The following KIDINS220 variants were observed in gnomAD, a reference collection of about 807,000 sequenced individuals.
KIDINS220 encodes kinase D interacting substrate 220, also known as kinase D-interacting substrate of 220 kDa.
Under a neutral mutation model 157.6 loss-of-function variants are expected in KIDINS220, and 63 were observed. The observed-to-expected ratio is 0.40, with a 90% CI of 0.33 to 0.49. The LOEUF (loss-of-function observed/expected upper bound fraction) is 0.49, where lower values mean the gene tolerates loss of function less well. Ranked by LOEUF, KIDINS220 falls within the 20% of genes least tolerant of loss-of-function variation. The pLI is 0.66. For synonymous variants in KIDINS220, 732 were observed against 783.6 expected, an observed-to-expected ratio of 0.93 and a Z score of 1.10; for missense variants, 1,772 against 2,171.2, an observed-to-expected ratio of 0.82 and a Z score of 3.65.
intron 22 of KIDINS220, among the ~76,000 whole-genome samples, chr2:8,761,686 G>C (rs1668762968): frequency 6.6e-6 from 1 of 151,970 alleles, no homozygotes; most frequent in Non-Finnish European, 1.5e-5. Context: ...TCTATGGAAG[G>C]GGAAAGCAAA....
chr2:8,823,864 T>C (rs1056001501), intron 2 of KIDINS220, among the ~76,000 whole-genome samples: 16 of 152,142 alleles, frequency 1.1e-4, no homozygotes, highest in Admixed American at 3.9e-4. Flanking sequence ...TTTTGACTAT[T>C]CATAATCATT....
chr2:8,795,235 G>A (rs370885090), intron 11 of KIDINS220, among the ~76,000 whole-genome samples: 1 of 152,090 alleles, frequency 6.6e-6, no homozygotes, highest in Non-Finnish European at 1.5e-5. Flanking sequence ...AATGTCTACT[G>A]GCCACAGGCT....
intron 22 of KIDINS220, among the ~76,000 whole-genome samples, chr2:8,755,296 A>T (rs1307422159): frequency 6.6e-6 from 1 of 152,168 alleles, no homozygotes; most frequent in Non-Finnish European, 1.5e-5. Context: ...ATGTTCCTTC[A>T]TTACAAGCCC....
At position 8,733,495 on chromosome 2, in the gene KIDINS220, G is replaced by A; in HGVS notation, c.4002C>T (p.Asn1334=). 6.2e-7 allele frequency: 1 copy of A among 1,614,128 alleles called. No homozygotes were observed. Among genetic ancestry groups the A allele is most frequent in the Non-Finnish European group, 8.5e-7 (1 of 1,180,028 alleles). The change falls in exon 29 of 30, where the codon AAC becomes AAT. Residue 1334 remains asparagine (N), a synonymous_variant. Coordinates refer to ENST00000256707, the MANE Select transcript of KIDINS220 (RefSeq NM_020738.4). ...YTLNFSFEEL[N]TLGLDEGAPR... ...GGGCACCTTCATCCAGGCCAAGCGT[G>A]TTCAGCTCTTCGAAGCTGAAGTTGA...
intron 17 of KIDINS220, among the ~76,000 whole-genome samples, chr2:8,781,712 G>T (rs1412248279): frequency 1.3e-5 from 2 of 152,080 alleles, no homozygotes; most frequent in Admixed American, 1.3e-4. Context: ...AAAATATTTT[G>T]AACTAAATAA....
chr2:8,810,451 T>C (rs1271996472), intron 6 of KIDINS220, among the ~76,000 whole-genome samples: 3 of 152,182 alleles, frequency 2.0e-5, no homozygotes, highest in Non-Finnish European at 4.4e-5. Flanking sequence ...CATTTTATTA[T>C]AGGCAAGAAG....
intron 7 of KIDINS220, among the ~76,000 whole-genome samples, chr2:8,804,976 G>C (rs1675235022): frequency 6.6e-6 from 1 of 152,196 alleles, no homozygotes. Flanking sequence ...TGTCTGACTG[G>C]CTGTAAATTG....
chr2:8,817,705 T>C lies in KIDINS220; in HGVS notation c.219A>G (p.Thr73=), dbSNP rs76551578. ...NCNLEDLDNW[T]ALISASKEGH... ...CTTCTTTCGATGCAGATATAAGTGC[T>C]GTCCAATTATCCTTGAACATATATT... The change falls in exon 4 of 30, where the codon ACA becomes ACG. Residue 73 remains threonine (T), a synonymous_variant. Transcript: ENST00000256707. 116 of 1,597,506 alleles carry C rather than the reference T, an allele frequency of 7.3e-5. No homozygotes were observed. In the East Asian group the frequency reaches 1.9e-3, roughly 27 times the overall value.
intron 17 of KIDINS220, 45 bp from the exon 18 acceptor site, chr2:8,779,859 A>C: frequency 6.3e-7 from 1 of 1,596,566 alleles, no homozygotes; most frequent in East Asian, 2.2e-5. Flanking sequence ...GGAAGATCCA[A>C]GAAGCTTAAA....
At chr2:8,804,886 T>G (rs2148338779) in intron 7 of KIDINS220, among the ~76,000 whole-genome samples, 1 of 152,218 alleles carries the variant, frequency 6.6e-6, no homozygotes, top group South Asian at 2.1e-4. Flanking sequence ...ACTACCTACC[T>G]GGAGGTAGCA....
Position 8,785,800 on chromosome 2 carries a change from T to C in KIDINS220, c.2170A>G (p.Lys724Glu). ...TTGGAGGCTGCATTATGGAGGCGTT[T>C]TCTTTGGGAATTCAGGAGCGAGTCC... ...VLDSLLNSQR[K>E]RLHNAASKLH... Residue 724 changes from lysine to glutamate, a missense_variant, in exon 17 of 30, where the codon AAA becomes GAA. Lys to Glu is a moderately conservative substitution (Grantham distance 56). Coordinates refer to ENST00000256707, the MANE Select transcript of KIDINS220 (RefSeq NM_020738.4). 6.2e-7 allele frequency: 1 copy of C among 1,614,118 alleles called. No individual in the cohort carries two copies.
chr2:8,827,179 T>C, intron 1 of KIDINS220, 50 bp from the exon 2 acceptor site: 1 of 718,080 alleles, frequency 1.4e-6, no homozygotes, highest in Non-Finnish European at 2.3e-6. Context: ...AAAAATTAAG[T>C]TACTATTAAA....
chr2:8,790,012 A>T lies in KIDINS220; in HGVS notation c.1489T>A (p.Phe497Ile). 6.2e-7 allele frequency: 1 copy of T among 1,609,108 alleles called. No homozygotes were observed. The highest frequency in any genetic ancestry group is 1.1e-5 in the South Asian group (1 of 89,420). The change falls in exon 14 of 30, where the codon TTC (phenylalanine) becomes ATC (isoleucine). Residue 497 changes from phenylalanine to isoleucine, a missense_variant. Physicochemically the swap from Phe to Ile is conservative, Grantham distance 21. Around this residue, in one of 3 missense-constraint regions of KIDINS220, gnomAD observed 725 missense variants for 1,017.1 expected, o/e 0.71. Transcript: ENST00000256707. The stretch of plus-strand genomic sequence containing the variant: ...GTAAGAAACACTATGAGCCATGAGA[A>T]CTGAAAGAGAGGCTCAATCTGTTGT... ...AGQQIEPLFQ[F>I]SWLIVFLTLL...
At chr2:8,813,092 T>C (rs1676553077) in intron 5 of KIDINS220, 145 bp downstream of exon 5, 2 of 532,450 alleles carry the variant, frequency 3.8e-6, no homozygotes, top group African/African-American at 2.0e-5. Context: ...TTATCATTAC[T>C]GTGTTTTGAA....
intron 23 of KIDINS220, 44 bp downstream of exon 23, chr2:8,751,422 C>A: frequency 6.7e-7 from 1 of 1,499,120 alleles, no homozygotes; most frequent in Non-Finnish European, 9.1e-7. Flanking sequence ...ATGAAAAATT[C>A]TTAGAACTTT....
chr2:8,808,907 A>C lies in KIDINS220; in HGVS notation c.505-2538T>G, dbSNP rs544618315. Among the ~76,000 whole-genome samples the C allele has an allele frequency of 2.0e-5, 3 of 151,940 alleles. No homozygotes were observed. In the East Asian group the frequency reaches 5.8e-4, roughly 29 times the overall value. ...AAGATAATTTATAACCCCTTACCAA[A>C]CCCCCCTAAAAAACTAGTTTCTGCT... is the stretch of plus-strand genomic sequence containing the variant. On this transcript the variant is annotated intron_variant, in intron 6 of 29. Transcript: ENST00000256707.
At chr2:8,794,203 C>T (rs554467346) in intron 11 of KIDINS220, 4 of 371,704 alleles carry the variant, frequency 1.1e-5, no homozygotes, top group Admixed American at 4.3e-5. Flanking sequence ...TCTCCCACAG[C>T]CCTCTAGAAT....
chr2:8,794,231 C>G, intron 11 of KIDINS220: 1 of 296,534 alleles, frequency 3.4e-6, no homozygotes, highest in Non-Finnish European at 6.2e-6. Flanking sequence ...ATTCTTTTCC[C>G]CTTTTCTTAA....
chr2:8,789,780 C>T (rs1379184864), intron 14 of KIDINS220, 100 bp downstream of exon 14: 10 of 915,350 alleles, frequency 1.1e-5, no homozygotes, highest in Non-Finnish European at 1.6e-5. Flanking sequence ...ATGAAAATCA[C>T]ATACAGGTTT....
Sources: gnomAD v4.1 joint callset for allele counts (sites outside exome capture counted in the v4.1 genomes callset) on GRCh38, gnomAD v4.1.1 for gene constraint, gnomAD v4.1.1 regional missense constraint, MANE v1.5 for transcripts, NCBI Gene and HGNC (gene_info 2026-07-23, HGNC 2026-07-21) for gene names.